Variants in PLEKHA7 observed in about 807,000 individuals in gnomAD.
The protein encoded by PLEKHA7 is pleckstrin homology domain-containing family A member 7.
In PLEKHA7, 104 loss-of-function variants were observed where a neutral mutation model predicts 170.0. The ratio of observed to expected loss-of-function variants is 0.61; its 90% CI spans 0.52 to 0.72. The LOEUF (loss-of-function observed/expected upper bound fraction) is 0.72. Ranked by LOEUF, PLEKHA7 falls within the 30% of genes least tolerant of loss-of-function variation. The pLI is 0.00. For missense variants in PLEKHA7, 1,615 were observed against 1,671.7 expected (o/e 0.97, Z 0.59); for synonymous variants, 648 against 660.8 (o/e 0.98, Z 0.30).
intron 3 of PLEKHA7, among the ~76,000 whole-genome samples, chr11:16,974,189 C>T (rs1388686653): frequency 6.6e-6 from 1 of 151,476 alleles, no homozygotes; most frequent in African/African-American, 2.4e-5. Context: ...TTACCTGAGC[C>T]CAGGGAGGTC....
rs533375430 is a variant in PLEKHA7 at position 16,894,542 on chromosome 11, T to A, written c.222-23360A>T. On this transcript the variant is annotated intron_variant, in intron 3 of 26. Transcript: ENST00000531066. ...TGAGCAGGAGAGAGGTATCAAATAG[T>A]CAGTGGAAAGAGTGTGGCTTTGGAG... 3.9e-5 allele frequency among the ~76,000 whole-genome samples: 6 copies of A among 152,310 alleles called. No homozygotes were observed. The South Asian group carries it at 1.2e-3, about 32-fold the overall frequency.
At chr11:16,961,557 GGAGGGT>G (rs1862060764) in intron 3 of PLEKHA7, among the ~76,000 whole-genome samples, 1 of 152,214 alleles carries the variant, frequency 6.6e-6, no homozygotes, top group Non-Finnish European at 1.5e-5. Context: ...GGCTGTGCCT[GGAGGGT>G]GACATCCTGA....
chr11:16,895,934 G>A (rs570083385), intron 3 of PLEKHA7, among the ~76,000 whole-genome samples: 76 of 152,282 alleles, frequency 5.0e-4, no homozygotes, highest in Middle Eastern at 3.4e-3. Context: ...CTTGACAAGC[G>A]TCAGTCTCTT....
intron 9 of PLEKHA7, among the ~76,000 whole-genome samples, chr11:16,827,365 C>G (rs1354825183): frequency 6.6e-6 from 1 of 152,230 alleles, no homozygotes; most frequent in African/African-American, 2.4e-5. Context: ...GAAACTGACT[C>G]ACAGAGAAGA....
chr11:16,926,884 T>C (rs7396550), intron 3 of PLEKHA7, among the ~76,000 whole-genome samples: 138,056 of 152,266 alleles, frequency 0.91, 63,130 homozygotes, highest in Middle Eastern at 0.97. Context: ...TCCATGGCTG[T>C]CCTACCTCTG....
chr11:16,793,495 T>A (rs1173284025), intron 19 of PLEKHA7, among the ~76,000 whole-genome samples: 1 of 152,170 alleles, frequency 6.6e-6, no homozygotes, highest in South Asian at 2.1e-4. Flanking sequence ...GCAGAACTCA[T>A]GTGTTTTACC....
At chr11:16,913,311 TA>T (rs1484452922) in intron 3 of PLEKHA7, among the ~76,000 whole-genome samples, 1 of 152,178 alleles carries the variant, frequency 6.6e-6, no homozygotes, top group African/African-American at 2.4e-5. Flanking sequence ...CTCTGAATGC[TA>T]ATTGCCCCCA....
In PLEKHA7 at chr11:16,888,473, G is replaced by C. The variant is rs1397451630; in HGVS notation, c.222-17291C>G. On this transcript the variant is annotated intron_variant, in intron 3 of 26. Coordinates refer to ENST00000531066, the MANE Select transcript of PLEKHA7 (RefSeq NM_001329630.2). ...GTCTGTGTAGAGGGAAGTAGACATA[G>C]GAGACTCCATTTTGTTCTGTACTAA... Among the ~76,000 whole-genome samples, 45 of 150,334 alleles carry C rather than the reference G, an allele frequency of 3.0e-4. No homozygotes were observed. In the South Asian group the frequency reaches 3.2e-3, roughly 11 times the overall value.
rs765147502 is a variant in PLEKHA7, at chr11:16,789,845, G to C, written c.3086C>G (p.Ser1029Trp). Residue 1029 changes from serine (S) to tryptophan (W), a missense_variant, in exon 22 of 27, where the codon TCG becomes TGG. Physicochemically the swap from Ser to Trp is radical, Grantham distance 177. Transcript: ENST00000531066. The surrounding 1 kb of genome is among the most constrained non-coding windows in gnomAD (Gnocchi z 4.6). ...LSGSTSRLQQ[S>W]STIAPYVTLR... is the part of the protein sequence containing the mutation. ...TGTGACGTAGGGAGCAATGGTGGAC[G>C]ACTGCTGGAGCCTTGACGTGGACCC... 1 of 1,614,100 alleles carries C rather than the reference G, an allele frequency of 6.2e-7. No homozygotes were observed. Among genetic ancestry groups the C allele is most frequent in the Admixed American group, 1.7e-5 (1 of 60,008 alleles).
rs779971235 is a variant in PLEKHA7, at chr11:16,963,818, C to T, written c.221+50171G>A. Among the ~76,000 whole-genome samples, 87 of 152,178 alleles carry T rather than the reference C, an allele frequency of 5.7e-4. 1 individual carries two copies. Among genetic ancestry groups the T allele is most frequent in the South Asian group, 2.1e-4 (1 of 4,820 alleles). Reference sequence around the variant, plus strand: ...CAAAAGAATTAACTACCTGTTTCTCCAACCCTGCCCCCAGCCACCTCTCAT... The same window carrying T: ...CAAAAGAATTAACTACCTGTTTCTCTAACCCTGCCCCCAGCCACCTCTCAT... On this transcript the variant is annotated intron_variant, in intron 3 of 26. Transcript: ENST00000531066.
At chr11:16,961,249 C>T (rs988387013) in intron 3 of PLEKHA7, among the ~76,000 whole-genome samples, 2 of 152,228 alleles carry the variant, frequency 1.3e-5, no homozygotes, top group African/African-American at 4.8e-5. Flanking sequence ...ACTAGGATGA[C>T]CAAGGCTCCA....
chr11:17,011,045 C>T (rs917953778), intron 3 of PLEKHA7, among the ~76,000 whole-genome samples: 2 of 152,178 alleles, frequency 1.3e-5, no homozygotes, highest in African/African-American at 4.8e-5. Context: ...CCTGGGGGCA[C>T]AGGAGCTCAC....
At chr11:17,007,732 C>A (rs569392447) in intron 3 of PLEKHA7, among the ~76,000 whole-genome samples, 1 of 152,174 alleles carries the variant, frequency 6.6e-6, no homozygotes, top group African/African-American at 2.4e-5. Flanking sequence ...CACCATCACA[C>A]CCGGCTAAGT....
intron 12 of PLEKHA7, among the ~76,000 whole-genome samples, chr11:16,813,796 C>T (rs1165241048): frequency 1.3e-5 from 2 of 152,190 alleles, no homozygotes; most frequent in Non-Finnish European, 1.5e-5. Flanking sequence ...CAAGGTCAGA[C>T]CTATCTGCTT....
At chr11:16,909,577 C>T (rs1484982929) in intron 3 of PLEKHA7, among the ~76,000 whole-genome samples, 1 of 152,268 alleles carries the variant, frequency 6.6e-6, no homozygotes, top group South Asian at 2.1e-4. Context: ...TGCTGAGAGC[C>T]TGAGCTCCTG....
intron 3 of PLEKHA7, among the ~76,000 whole-genome samples, chr11:16,873,070 G>A (rs147519734): frequency 6.8e-4 from 103 of 152,176 alleles, no homozygotes; most frequent in African/African-American, 2.4e-3. Flanking sequence ...TAAAATTACT[G>A]AATCAAAGAG....
At chr11:16,854,762 C>T (rs957381843) in intron 6 of PLEKHA7, 127 bp downstream of exon 6, 36 of 749,334 alleles carry the variant, frequency 4.8e-5, no homozygotes, top group Non-Finnish European at 7.2e-5. Flanking sequence ...AGGTAGAATC[C>T]AGCTGCCTCA....
At chr11:16,877,920 T>C (rs1855426192) in intron 3 of PLEKHA7, among the ~76,000 whole-genome samples, 1 of 152,218 alleles carries the variant, frequency 6.6e-6, no homozygotes, top group Admixed American at 6.5e-5. Flanking sequence ...GCCAAATGTC[T>C]GGCATACAGA....
chr11:16,931,722 T>C (rs1484973449), intron 3 of PLEKHA7, among the ~76,000 whole-genome samples: 6 of 142,760 alleles, frequency 4.2e-5, no homozygotes, highest in Admixed American at 2.1e-4. Context: ...ACAACTGCAC[T>C]CCAGCCTGGG....
Sources: gnomAD v4.1 joint callset for allele counts (sites outside exome capture counted in the v4.1 genomes callset) on GRCh38, gnomAD v4.1.1 for gene constraint, Gnocchi (gnomAD v3.1) non-coding constraint, MANE v1.5 for transcripts, NCBI Gene and HGNC (gene_info 2026-07-23, HGNC 2026-07-21) for gene names.